The following UNC5D variants were observed in gnomAD, a reference collection of about 807,000 sequenced individuals.
UNC5D encodes unc-5 netrin receptor D.
Under a neutral mutation model 105.4 loss-of-function variants are expected in UNC5D, and 39 were observed. The observed-to-expected ratio is 0.37, with a 90% CI of 0.29 to 0.48. The LOEUF is 0.48. Among genes scored for constraint, UNC5D ranks in the 20% least tolerant of loss-of-function variants. The probability of loss-of-function intolerance (pLI) is 0.98; values close to 1 mark genes in which losing one functional copy is unlikely to be tolerated. For missense variants in UNC5D, 991 were observed against 1,202.4 expected, an observed-to-expected ratio of 0.82 and a Z score of 2.60; for synonymous variants, 452 against 450.4, an observed-to-expected ratio of 1.00 and a Z score of -0.04.
At chr8:35,566,366 T>A (rs1337609456) in intron 2 of UNC5D, among the ~76,000 whole-genome samples, 1 of 152,158 alleles carries the variant, frequency 6.6e-6, no homozygotes, top group Non-Finnish European at 1.5e-5. Context: ...ATAATCATGA[T>A]CCACCTCCTC....
Position 35,652,069 on chromosome 8 carries a change from A to G in UNC5D, c.571-31478A>G, listed in dbSNP as rs187981071. Among the ~76,000 whole-genome samples the G allele has an allele frequency of 1.0e-3, 156 of 152,316 alleles. 1 individual carries two copies. The highest frequency in any genetic ancestry group is 3.0e-3 in the African/African-American group (124 of 41,576). ...TGGGCATACCCTAACTTGCCTTGCC[A>G]TGCCAAGTTGCTCTTATAGAAGTTG... On this transcript the variant is annotated intron_variant, in intron 4 of 16. Transcript: ENST00000404895.
chr8:35,435,358 T>A (rs1482291796), intron 1 of UNC5D, among the ~76,000 whole-genome samples: 1 of 152,080 alleles, frequency 6.6e-6, no homozygotes, highest in Admixed American at 6.6e-5. Flanking sequence ...ACATTCTCTG[T>A]CTTCACTCCT....
At chr8:35,572,472 A>G (rs1817808251) in intron 3 of UNC5D, among the ~76,000 whole-genome samples, 1 of 152,078 alleles carries the variant, frequency 6.6e-6, no homozygotes, top group African/African-American at 2.4e-5. Flanking sequence ...CTTTCAGATC[A>G]TTTGATTTTA....
intron 1 of UNC5D, among the ~76,000 whole-genome samples, chr8:35,535,184 A>G (rs536575570): frequency 1.3e-5 from 2 of 152,322 alleles, no homozygotes; most frequent in South Asian, 4.1e-4. Flanking sequence ...TAAATAGCAA[A>G]CTATAATGGC....
At chr8:35,769,965 A>G (rs1448595305) in intron 15 of UNC5D, among the ~76,000 whole-genome samples, 1 of 152,124 alleles carries the variant, frequency 6.6e-6, no homozygotes, top group African/African-American at 2.4e-5. Context: ...TCTCAAAAAG[A>G]AAAGAAAACT....
At chr8:35,727,546 A>G (rs1828943219) in intron 10 of UNC5D, 1 of 152,194 alleles carries the variant, frequency 6.6e-6, no homozygotes, top group African/African-American at 2.4e-5. Flanking sequence ...GAGACTGGAG[A>G]CTGAAATTCA....
chr8:35,453,285 A>G (rs1382956963), intron 1 of UNC5D, among the ~76,000 whole-genome samples: 3 of 152,256 alleles, frequency 2.0e-5, no homozygotes, highest in Middle Eastern at 3.4e-3. Flanking sequence ...CAGTGAGACC[A>G]TCTGTGCACT....
chr8:35,241,867 A>G (rs535480171), intron 1 of UNC5D, among the ~76,000 whole-genome samples: 16 of 152,224 alleles, frequency 1.1e-4, no homozygotes, highest in African/African-American at 3.9e-4. Context: ...GCTATTTTGG[A>G]ATATGCAATA....
intron 1 of UNC5D, among the ~76,000 whole-genome samples, chr8:35,487,365 T>G (rs1462966538): frequency 6.6e-6 from 1 of 152,094 alleles, no homozygotes; most frequent in Admixed American, 6.5e-5. Context: ...TGAAAGGACC[T>G]CATCCAATCA....
At chr8:35,340,156 T>A (rs1023372745) in intron 1 of UNC5D, among the ~76,000 whole-genome samples, 4 of 152,182 alleles carry the variant, frequency 2.6e-5, no homozygotes, top group South Asian at 2.1e-4. Flanking sequence ...CAGGACCAGA[T>A]GATGGGAAGA....
chr8:35,293,722 G>A (rs927839048), intron 1 of UNC5D, among the ~76,000 whole-genome samples: 59 of 152,272 alleles, frequency 3.9e-4, no homozygotes, highest in African/African-American at 1.4e-3. Flanking sequence ...ATTTGATGGC[G>A]TTCATAGCTT....
At chr8:35,708,674 T>A (rs1827753380) in intron 8 of UNC5D, among the ~76,000 whole-genome samples, 2 of 152,122 alleles carry the variant, frequency 1.3e-5, no homozygotes, top group Admixed American at 6.5e-5. Context: ...TTTGGTAAGT[T>A]CACCTGAAGG....
In UNC5D at chr8:35,695,583, G is replaced by A. The variant is rs535424588; in HGVS notation, c.1084+8874G>A. Among the ~76,000 whole-genome samples the A allele has an allele frequency of 2.0e-5, 3 of 152,146 alleles. No individual in the cohort carries two copies. The East Asian group carries it at 5.8e-4, about 29-fold the overall frequency. ...CCTCAAGAGAAAGGCTCAGGAGAGG[G>A]AAGGAAGAACACCTGAACCACAGGT... is the stretch of plus-strand genomic sequence containing the variant. On this transcript the variant is annotated intron_variant, in intron 7 of 16. Transcript: ENST00000404895.
chr8:35,652,764 G>A (rs1347816197), intron 4 of UNC5D, among the ~76,000 whole-genome samples: 1 of 151,122 alleles, frequency 6.6e-6, no homozygotes, highest in Non-Finnish European at 1.5e-5. Context: ...CTTGCCTCTG[G>A]CTTTCTCATC....
chr8:35,323,253 A>G (rs1809890994), intron 1 of UNC5D, among the ~76,000 whole-genome samples: 1 of 143,070 alleles, frequency 7.0e-6, no homozygotes, highest in African/African-American at 2.7e-5. Context: ...CCATTGTGAT[A>G]CCTGGGACCA....
chr8:35,559,355 C>T (rs1005450096), intron 2 of UNC5D, among the ~76,000 whole-genome samples: 6 of 152,228 alleles, frequency 3.9e-5, no homozygotes, highest in Middle Eastern at 3.4e-3. Flanking sequence ...CTATTGGTTC[C>T]GGTTGGTAAG....
At chr8:35,502,185 C>T (rs1031841501) in intron 1 of UNC5D, among the ~76,000 whole-genome samples, 21 of 152,154 alleles carry the variant, frequency 1.4e-4, no homozygotes, top group Non-Finnish European at 2.9e-4. Context: ...CAGAGTCTCA[C>T]TAAGGTAAGC....
chr8:35,280,323 A>C (rs1444359027), intron 1 of UNC5D, among the ~76,000 whole-genome samples: 1 of 152,122 alleles, frequency 6.6e-6, no homozygotes, highest in African/African-American at 2.4e-5. Flanking sequence ...GTCTCCACTT[A>C]CTCTGCAAAA....
At chr8:35,504,883 C>T (rs905289324) in intron 1 of UNC5D, among the ~76,000 whole-genome samples, 3 of 152,266 alleles carry the variant, frequency 2.0e-5, no homozygotes, top group African/African-American at 4.8e-5. Flanking sequence ...CCTGTGTCCA[C>T]GTTCAAGTTT....
Sources: gnomAD v4.1 joint callset for allele counts (sites outside exome capture counted in the v4.1 genomes callset) on GRCh38, gnomAD v4.1.1 for gene constraint, MANE v1.5 for transcripts, NCBI Gene and HGNC (gene_info 2026-07-23, HGNC 2026-07-21) for gene names.